The following MYRIP variants were observed in gnomAD, a reference collection of about 807,000 sequenced individuals.
The protein encoded by MYRIP is myosin VIIA and Rab interacting protein.
A neutral mutation model predicts 98.0 loss-of-function variants in MYRIP; 49 were observed. That is an observed-to-expected ratio of 0.50 (90% CI 0.40 to 0.63). The LOEUF is 0.63. MYRIP is among the 30% of genes least tolerant of loss of function. The pLI is 0.00. For synonymous variants in MYRIP, 404 were observed against 409.5 expected (o/e 0.99, Z 0.16); for missense variants, 1,004 against 1,058.2 (o/e 0.95, Z 0.71).
At chr3:40,002,246 A>T (rs1214119772) in intron 2 of MYRIP, among the ~76,000 whole-genome samples, 5 of 152,174 alleles carry the variant, frequency 3.3e-5, no homozygotes, top group Admixed American at 2.6e-4. Flanking sequence ...TAAAACAGTC[A>T]TATTGAGGCT....
At chr3:40,207,267 T>C (rs1311888790) in intron 10 of MYRIP, among the ~76,000 whole-genome samples, 1 of 152,224 alleles carries the variant, frequency 6.6e-6, no homozygotes, top group Non-Finnish European at 1.5e-5. Flanking sequence ...TTGCTGCTTC[T>C]ACATCAAGAA....
chr3:40,180,824 C>T (rs1314023413), intron 8 of MYRIP, among the ~76,000 whole-genome samples: 2 of 152,186 alleles, frequency 1.3e-5, no homozygotes, highest in African/African-American at 4.8e-5. Flanking sequence ...TTTCCTACGA[C>T]TCTGAATCTG....
chr3:39,826,723 T>C (rs1002259505), intron 1 of MYRIP, among the ~76,000 whole-genome samples: 1 of 152,214 alleles, frequency 6.6e-6, no homozygotes. Context: ...TGTCTAATGC[T>C]GAGAGTGGGG....
chr3:40,187,262 C>T (rs542637591), intron 9 of MYRIP, among the ~76,000 whole-genome samples: 1 of 152,286 alleles, frequency 6.6e-6, no homozygotes, highest in Non-Finnish European at 1.5e-5. Flanking sequence ...AGGTGGGTCA[C>T]ACTGACCCCA....
At chr3:40,119,772 G>C (rs886838821) in intron 3 of MYRIP, among the ~76,000 whole-genome samples, 7 of 152,006 alleles carry the variant, frequency 4.6e-5, no homozygotes, top group African/African-American at 9.7e-5. Flanking sequence ...GTTGTGGGGT[G>C]GGGGGAGCAG....
chr3:39,973,985 A>G (rs1945672820), intron 2 of MYRIP, among the ~76,000 whole-genome samples: 1 of 152,178 alleles, frequency 6.6e-6, no homozygotes, highest in East Asian at 1.9e-4. Context: ...ATCACAATTA[A>G]AAGAACTAGA....
chr3:40,150,925 C>T (rs1030695164), intron 3 of MYRIP, 123 bp from the exon 4 acceptor site: 14 of 977,736 alleles, frequency 1.4e-5, no homozygotes, highest in South Asian at 4.4e-5. Flanking sequence ...TCACAAGGCC[C>T]GCCCAGATTC....
In MYRIP at chr3:39,862,428, C is replaced by T. The variant is rs1211510416; in HGVS notation, c.-30-38359C>T. ...GTCACACTATAAGCAACCATACAAA[C>T]AAGTGTGCATACTAACCAGCTAACA... On this transcript the variant is annotated intron_variant, in intron 1 of 16. Coordinates refer to ENST00000302541, the MANE Select transcript of MYRIP (RefSeq NM_015460.4). Among the ~76,000 whole-genome samples, 29 of 152,074 alleles carry T rather than the reference C, an allele frequency of 1.9e-4. 1 individual carries two copies. Among genetic ancestry groups the T allele is most frequent in the Admixed American group, 1.9e-3 (29 of 15,258 alleles).
chr3:39,899,723 C>T (rs985223737), intron 1 of MYRIP, among the ~76,000 whole-genome samples: 2 of 152,182 alleles, frequency 1.3e-5, no homozygotes. Context: ...TTCCCACCAA[C>T]ATTTGATATA....
intron 3 of MYRIP, among the ~76,000 whole-genome samples, chr3:40,125,002 C>A (rs1019936667): frequency 2.0e-5 from 3 of 152,202 alleles, no homozygotes; most frequent in African/African-American, 7.2e-5. Context: ...ACTTCAGATT[C>A]CTCCTCTGTG....
chr3:39,993,216 C>A (rs1318639538), intron 2 of MYRIP, among the ~76,000 whole-genome samples: 1 of 152,068 alleles, frequency 6.6e-6, no homozygotes, highest in African/African-American at 2.4e-5. Context: ...ATAAGGAACC[C>A]ACTCCCACAA....
chr3:39,809,238 G>C (rs1006659228), upstream of MYRIP, among the ~76,000 whole-genome samples: 2 of 152,002 alleles, frequency 1.3e-5, no homozygotes, highest in Admixed American at 1.3e-4. Flanking sequence ...GACAGGAAAA[G>C]CCTGACTTAG....
intron 1 of MYRIP, among the ~76,000 whole-genome samples, chr3:39,887,530 A>C (rs974016246): frequency 3.9e-5 from 6 of 152,168 alleles, no homozygotes; most frequent in Admixed American, 3.9e-4. Context: ...ACGTATTTCA[A>C]AATAATGAGA....
chr3:40,104,853 T>C (rs1392770511), intron 3 of MYRIP, among the ~76,000 whole-genome samples: 4 of 152,230 alleles, frequency 2.6e-5, no homozygotes, highest in African/African-American at 9.6e-5. Context: ...TTTTACATTG[T>C]TACTTTTACT....
chr3:40,160,248 C>T (rs970890304), intron 4 of MYRIP, among the ~76,000 whole-genome samples: 1 of 152,208 alleles, frequency 6.6e-6, no homozygotes, highest in Non-Finnish European at 1.5e-5. Flanking sequence ...TTGGAGTACC[C>T]AGCTGTGTGA....
chr3:39,863,313 A>G (rs1942525377), intron 1 of MYRIP, among the ~76,000 whole-genome samples: 1 of 152,178 alleles, frequency 6.6e-6, no homozygotes, highest in African/African-American at 2.4e-5. Context: ...TGAGAGCTGA[A>G]CTAAAGGAAT....
chr3:40,168,868 C>A (rs1188279005), intron 7 of MYRIP, among the ~76,000 whole-genome samples: 1 of 152,200 alleles, frequency 6.6e-6, no homozygotes, highest in Non-Finnish European at 1.5e-5. Context: ...TCTGCAGAGT[C>A]ACACTAGAAA....
intron 3 of MYRIP, among the ~76,000 whole-genome samples, chr3:40,066,792 T>C (rs1011343828): frequency 6.6e-6 from 1 of 152,216 alleles, no homozygotes; most frequent in Middle Eastern, 3.2e-3. Flanking sequence ...ATATAAGTTG[T>C]CTAGGGTGTT....
chr3:40,123,866 G>C (rs72856928), intron 3 of MYRIP, among the ~76,000 whole-genome samples: 2 of 152,190 alleles, frequency 1.3e-5, no homozygotes, highest in African/African-American at 2.4e-5. Flanking sequence ...CTTCTGGCCA[G>C]TTCCTCCCTA....
Sources: gnomAD v4.1 joint callset for allele counts (sites outside exome capture counted in the v4.1 genomes callset) on GRCh38, gnomAD v4.1.1 for gene constraint, MANE v1.5 for transcripts, NCBI Gene and HGNC (gene_info 2026-07-23, HGNC 2026-07-21) for gene names.